DNAJC15: variants seen among roughly 807,000 people sequenced by gnomAD.
The protein encoded by DNAJC15 is dnaJ homolog subfamily C member 15.
Under a neutral mutation model 22.4 loss-of-function variants are expected in DNAJC15, and 27 were observed. The ratio of observed to expected loss-of-function variants is 1.20; its 90% CI spans 0.89 to 1.66. DNAJC15 has a LOEUF of 1.66. Among genes scored for constraint, DNAJC15 ranks in the 40% most tolerant of loss-of-function variants. DNAJC15 has a pLI of 0.00. For missense variants in DNAJC15, 208 were observed against 187.1 expected (o/e 1.11, Z -0.65); for synonymous variants, 79 against 63.2 (o/e 1.25, Z -1.19).
chr13:43,080,226 C>T (rs2040655464), intron 4 of DNAJC15, among the ~76,000 whole-genome samples: 1 of 152,110 alleles, frequency 6.6e-6, no homozygotes, highest in South Asian at 2.1e-4. Context: ...CTCTTACCTC[C>T]TACCCTCCAC....
chr13:43,099,187 GTTGT>G (rs1440241254), intron 5 of DNAJC15, among the ~76,000 whole-genome samples: 3 of 151,930 alleles, frequency 2.0e-5, no homozygotes, highest in Admixed American at 6.6e-5. Context: ...TTATTTTCAG[GTTGT>G]TTATTATAAA....
intron 5 of DNAJC15, among the ~76,000 whole-genome samples, chr13:43,090,041 A>G (rs1178993207): frequency 6.6e-6 from 1 of 152,220 alleles, no homozygotes; most frequent in Non-Finnish European, 1.5e-5. Context: ...ATTAATTCTT[A>G]ATGGATTATA....
intron 1 of DNAJC15, among the ~76,000 whole-genome samples, chr13:43,044,270 A>G (rs1185853246): frequency 1.3e-5 from 2 of 152,198 alleles, no homozygotes; most frequent in Admixed American, 1.3e-4. Flanking sequence ...GAATTAACTC[A>G]CTGCAAGATA....
intron 1 of DNAJC15, among the ~76,000 whole-genome samples, chr13:43,064,509 A>G (rs2040573902): frequency 6.6e-6 from 1 of 152,128 alleles, no homozygotes; most frequent in Admixed American, 6.5e-5. Flanking sequence ...ACTCTTCAGG[A>G]TTTGCCTCTC....
chr13:43,049,592 A>G (rs991855896), intron 1 of DNAJC15, among the ~76,000 whole-genome samples: 2 of 152,226 alleles, frequency 1.3e-5, no homozygotes, highest in Non-Finnish European at 2.9e-5. Context: ...TGTGTTTTAG[A>G]TGTTATTTTA....
At chr13:43,065,159 G>C (rs529961812) in intron 1 of DNAJC15, among the ~76,000 whole-genome samples, 1 of 152,138 alleles carries the variant, frequency 6.6e-6, no homozygotes, top group East Asian at 1.9e-4. Context: ...CTGAATTTTG[G>C]ACCCTTATTT....
At chr13:43,065,625 T>A in intron 1 of DNAJC15, 61 bp from the exon 2 acceptor site, 1 of 1,316,956 alleles carries the variant, frequency 7.6e-7, no homozygotes, top group Non-Finnish European at 1.1e-6. Flanking sequence ...TTATTAAAAA[T>A]GATTTACTTT....
rs2040827209 is a variant in DNAJC15, at chr13:43,112,014, G to A, written c.*4766G>A. 6.6e-6 allele frequency: 1 copy of A among 152,202 alleles called. No individual in the cohort carries two copies. Among genetic ancestry groups the A allele is most frequent in the African/African-American group, 2.4e-5 (1 of 41,450 alleles). The allele number at this position is 152,202 out of a possible 1,614,324, so 9.4% of individuals were successfully genotyped here. A position where few individuals can be genotyped will look rare whatever the true frequency, so the allele number is the denominator to read the frequency against. On this transcript the variant is annotated 3_prime_UTR_variant, in exon 6 of 6. Transcript: ENST00000379221. ...GTTCTCTGGACTCATTTTTATAGGTGGAACCTAAGTGATCTGGATAATTGC... is the reference window on the plus strand; with the variant it reads ...GTTCTCTGGACTCATTTTTATAGGTAGAACCTAAGTGATCTGGATAATTGC...
Position 43,033,298 on chromosome 13 carries a change from T to G in DNAJC15, c.108+9564T>G, listed in dbSNP as rs150051816. 5.5e-3 allele frequency among the ~76,000 whole-genome samples: 843 copies of G among 152,300 alleles called. 3 individuals are homozygous for G. Among genetic ancestry groups the G allele is most frequent in the Non-Finnish European group, 8.1e-3 (552 of 68,028 alleles). ...CACTTGTGGTGGCACATGCCAGTAG[T>G]CTTTGTTTCTTGTGAGGCTGAGGTG... is the stretch of plus-strand genomic sequence containing the variant. On this transcript the variant is annotated intron_variant, in intron 1 of 5. Coordinates refer to ENST00000379221, the MANE Select transcript of DNAJC15 (RefSeq NM_013238.3).
intron 5 of DNAJC15, among the ~76,000 whole-genome samples, chr13:43,086,395 A>G (rs1045859222): frequency 6.6e-6 from 1 of 151,218 alleles, no homozygotes; most frequent in African/African-American, 2.4e-5. Flanking sequence ...GAAAGCCCAT[A>G]TGTTCATTGC....
At position 43,084,263 on chromosome 13, in the gene DNAJC15, T is replaced by C. The variant is rs116648428; in HGVS notation, c.312-1505T>C. On this transcript the variant is annotated intron_variant, in intron 4 of 5. Coordinates refer to ENST00000379221, the MANE Select transcript of DNAJC15 (RefSeq NM_013238.3). ...CTTTATTTTCAAAATGCAGGAGATA[T>C]CTAATACAGTCTCATAAGCATCCTT... is the stretch of plus-strand genomic sequence containing the variant. 4.3e-3 allele frequency among the ~76,000 whole-genome samples: 658 copies of C among 152,338 alleles called. 6 individuals are homozygous for C. The highest frequency in any genetic ancestry group is 0.015 in the African/African-American group (634 of 41,594).
At chr13:43,104,010 A>T (rs2040783729) in intron 5 of DNAJC15, among the ~76,000 whole-genome samples, 2 of 152,200 alleles carry the variant, frequency 1.3e-5, no homozygotes, top group Non-Finnish European at 2.9e-5. Context: ...GTCTCTTATA[A>T]CAATATATAA....
In DNAJC15 at chr13:43,110,213, AG is replaced by A. The variant is rs2040818060; in HGVS notation, c.*2967del. 6.6e-6 allele frequency: 1 copy of A among 152,286 alleles called. No individual in the cohort carries two copies. The highest frequency in any genetic ancestry group is 1.9e-4 in the East Asian group (1 of 5,178). 9.4% of individuals were successfully genotyped at this position (152,286 alleles called of 1,614,324 possible). A position where few individuals can be genotyped will look rare whatever the true frequency, so the allele number is the denominator to read the frequency against. ...TTTCTGCACAGGTTCCTCTTTACATAGGCTTCTCAACAGGGCTACTAGAGCA... is the reference window on the plus strand; with the variant it reads ...TTTCTGCACAGGTTCCTCTTTACATAGCTTCTCAACAGGGCTACTAGAGCA... On this transcript the variant is annotated 3_prime_UTR_variant, in exon 6 of 6. Coordinates refer to ENST00000379221, the MANE Select transcript of DNAJC15 (RefSeq NM_013238.3).
intron 5 of DNAJC15, among the ~76,000 whole-genome samples, chr13:43,100,302 G>A (rs2040761404): frequency 6.7e-6 from 1 of 150,002 alleles, no homozygotes; most frequent in African/African-American, 2.4e-5. Flanking sequence ...TGACCTCCTG[G>A]GCTTAAGTGA....
chr13:43,093,776 T>A (rs1270608592), intron 5 of DNAJC15, among the ~76,000 whole-genome samples: 1 of 152,160 alleles, frequency 6.6e-6, no homozygotes, highest in East Asian at 1.9e-4. Context: ...AAACTTCTTA[T>A]ATATTAGTAT....
At chr13:43,090,620 T>C (rs576547536) in intron 5 of DNAJC15, among the ~76,000 whole-genome samples, 35 of 152,276 alleles carry the variant, frequency 2.3e-4, no homozygotes, top group African/African-American at 7.0e-4. Context: ...TTGACAGATA[T>C]TGTTATCAAG....
intron 1 of DNAJC15, among the ~76,000 whole-genome samples, chr13:43,042,796 A>C (rs1163176971): frequency 6.6e-6 from 1 of 152,242 alleles, no homozygotes. Context: ...AGATTGGCCC[A>C]CATAGATTAT....
At chr13:43,072,067 G>A (rs2040611801) in intron 3 of DNAJC15, among the ~76,000 whole-genome samples, 1 of 152,124 alleles carries the variant, frequency 6.6e-6, no homozygotes, top group Non-Finnish European at 1.5e-5. Flanking sequence ...CCGCATTCCT[G>A]CATACTCACA....
At chr13:43,069,035 CATTTT>C in intron 3 of DNAJC15, 32 bp downstream of exon 3, 2 of 1,589,004 alleles carry the variant, frequency 1.3e-6, no homozygotes. Flanking sequence ...TTAGAAGACT[CATTTT>C]GATTTTTGTT....
Sources: allele counts gnomAD v4.1 joint callset (sites outside exome capture counted in the v4.1 genomes callset), GRCh38; gene constraint gnomAD v4.1.1; transcripts MANE v1.5; gene names NCBI Gene and HGNC (gene_info 2026-07-23, HGNC 2026-07-21).